DPYD: variants seen among roughly 807,000 people sequenced by gnomAD.
The protein encoded by DPYD is dihydropyrimidine dehydrogenase [NADP(+)].
In DPYD, 109 loss-of-function variants were observed where a neutral mutation model predicts 116.2. The ratio of observed to expected loss-of-function variants is 0.94; its 90% CI spans 0.80 to 1.10. The LOEUF (loss-of-function observed/expected upper bound fraction) is 1.10, where lower values mean the gene tolerates loss of function less well. DPYD is among the 50% of genes least tolerant of loss of function. The pLI, the probability that DPYD is intolerant of heterozygous loss-of-function variation, is 0.00. For missense variants in DPYD, 1,302 were observed against 1,254.5 expected (o/e 1.04, Z -0.57); for synonymous variants, 440 against 432.0 (o/e 1.02, Z -0.23).
intron 13 of DPYD, among the ~76,000 whole-genome samples, chr1:97,470,100 G>A (rs1443899171): frequency 1.3e-5 from 2 of 152,072 alleles, no homozygotes; most frequent in Non-Finnish European, 2.9e-5. Context: ...AGAGATACAG[G>A]TATATATTGA....
At chr1:97,347,384 A>G (rs1381583013) in intron 16 of DPYD, among the ~76,000 whole-genome samples, 1 of 152,032 alleles carries the variant, frequency 6.6e-6, no homozygotes, top group Non-Finnish European at 1.5e-5. Flanking sequence ...AGATGATCAT[A>G]TAATTTTTCT....
intron 11 of DPYD, among the ~76,000 whole-genome samples, chr1:97,568,860 A>G (rs1433261570): frequency 6.6e-6 from 1 of 152,076 alleles, no homozygotes; most frequent in Non-Finnish European, 1.5e-5. Flanking sequence ...TGGGACTACA[A>G]TTTAGTATAA....
At chr1:97,374,556 T>C (rs1671492405) in intron 15 of DPYD, among the ~76,000 whole-genome samples, 1 of 151,244 alleles carries the variant, frequency 6.6e-6, no homozygotes, top group South Asian at 2.1e-4. Context: ...CCGTCTCTAC[T>C]AAAAATACAA....
Position 97,099,841 on chromosome 1 carries a change from G to C in DPYD, c.2623-1209C>G, listed in dbSNP as rs375558735. On this transcript the variant is annotated intron_variant, in intron 20 of 22. Transcript: ENST00000370192. ...CTAGAGACCTCAGTAGAGTAGGTAA[G>C]CTAAACTTAAACCATGTTCCAATTA... Among the ~76,000 whole-genome samples, 6 of 152,154 alleles carry C rather than the reference G, an allele frequency of 3.9e-5. 1 individual carries two copies. Among genetic ancestry groups the C allele is most frequent in the African/African-American group, 1.2e-4 (5 of 41,544 alleles).
At chr1:97,393,264 T>C (rs1361292321) in intron 14 of DPYD, among the ~76,000 whole-genome samples, 1 of 151,748 alleles carries the variant, frequency 6.6e-6, no homozygotes, top group East Asian at 1.9e-4. Context: ...TTAGAGGCCA[T>C]TGTTGAGTTG....
intron 14 of DPYD, among the ~76,000 whole-genome samples, chr1:97,414,610 C>T (rs1557696221): frequency 6.6e-6 from 1 of 152,180 alleles, no homozygotes; most frequent in Admixed American, 6.5e-5. Flanking sequence ...CTTGCCTTAA[C>T]AGTGTTTATT....
At chr1:97,279,942 C>G (rs1251809823) in intron 18 of DPYD, 1 of 152,180 alleles carries the variant, frequency 6.6e-6, no homozygotes, top group Non-Finnish European at 1.5e-5. Flanking sequence ...ATCCACTGAT[C>G]CCTTTTTTAC....
intron 10 of DPYD, among the ~76,000 whole-genome samples, chr1:97,581,019 T>C (rs1653624096): frequency 6.6e-6 from 1 of 151,950 alleles, no homozygotes; most frequent in Non-Finnish European, 1.5e-5. Flanking sequence ...AGTACACAGG[T>C]GGGCCTTGGA....
chr1:97,402,689 G>C (rs975967440), intron 14 of DPYD, among the ~76,000 whole-genome samples: 1 of 152,004 alleles, frequency 6.6e-6, no homozygotes, highest in Non-Finnish European at 1.5e-5. Context: ...CCTTGTTCTT[G>C]ATCTTAGTGT....
At chr1:97,274,126 A>G (rs1185044116) in intron 18 of DPYD, among the ~76,000 whole-genome samples, 1 of 152,192 alleles carries the variant, frequency 6.6e-6, no homozygotes, top group Non-Finnish European at 1.5e-5. Flanking sequence ...TAAAAACGAG[A>G]AAATAAATAT....
chr1:97,283,804 A>G (rs1665485624), intron 18 of DPYD, among the ~76,000 whole-genome samples: 1 of 152,134 alleles, frequency 6.6e-6, no homozygotes, highest in Non-Finnish European at 1.5e-5. Context: ...ATGCTGGTGT[A>G]TAGGAAAGCA....
chr1:97,553,479 A>G (rs1651473869), intron 11 of DPYD, among the ~76,000 whole-genome samples: 1 of 152,034 alleles, frequency 6.6e-6, no homozygotes. Flanking sequence ...CTCTGCTGAT[A>G]GATTTAACTT....
At chr1:97,795,489 T>G (rs1481055984) in intron 3 of DPYD, among the ~76,000 whole-genome samples, 1 of 152,006 alleles carries the variant, frequency 6.6e-6, no homozygotes, top group Non-Finnish European at 1.5e-5. Context: ...TAAAATACGT[T>G]TTAAAAGCAA....
chr1:97,648,213 C>T (rs540013262), intron 8 of DPYD, among the ~76,000 whole-genome samples: 1 of 152,046 alleles, frequency 6.6e-6, no homozygotes, highest in South Asian at 2.1e-4. Context: ...GATAGTGAGA[C>T]TAAATATGGA....
chr1:97,618,007 T>C (rs1656396224), intron 8 of DPYD, among the ~76,000 whole-genome samples: 1 of 152,146 alleles, frequency 6.6e-6, no homozygotes. Flanking sequence ...CTGCTGTAGG[T>C]CTGATAACTA....
At chr1:97,218,358 A>C (rs1660552946) in intron 19 of DPYD, among the ~76,000 whole-genome samples, 2 of 152,090 alleles carry the variant, frequency 1.3e-5, no homozygotes. Flanking sequence ...AAAATGACCA[A>C]AAACATACTT....
At chr1:97,172,001 G>T (rs1570597093) in intron 20 of DPYD, among the ~76,000 whole-genome samples, 1 of 152,290 alleles carries the variant, frequency 6.6e-6, no homozygotes, top group East Asian at 1.9e-4. Context: ...TCTTGATGTG[G>T]AAATGTTAGT....
At chr1:97,461,554 C>T (rs186999981) in intron 13 of DPYD, among the ~76,000 whole-genome samples, 1 of 152,270 alleles carries the variant, frequency 6.6e-6, no homozygotes, top group African/African-American at 2.4e-5. Flanking sequence ...AAGTTTGTTT[C>T]TGCCAAGAAT....
At chr1:97,616,945 G>C (rs1656320826) in intron 8 of DPYD, among the ~76,000 whole-genome samples, 1 of 152,032 alleles carries the variant, frequency 6.6e-6, no homozygotes, top group Non-Finnish European at 1.5e-5. Flanking sequence ...GAGTGCAGTG[G>C]TGGGATCTCA....
Sources: gnomAD v4.1 joint callset for allele counts (sites outside exome capture counted in the v4.1 genomes callset) on GRCh38, gnomAD v4.1.1 for gene constraint, MANE v1.5 for transcripts, NCBI Gene and HGNC (gene_info 2026-07-23, HGNC 2026-07-21) for gene names.